ADCY9: variants seen among roughly 807,000 people sequenced by gnomAD.
ADCY9 encodes adenylate cyclase type 9.
In ADCY9, 50 loss-of-function variants were observed where a neutral mutation model predicts 101.5. That is an observed-to-expected ratio of 0.49 (90% CI 0.39 to 0.62). ADCY9 has a LOEUF of 0.62. Ranked by LOEUF, ADCY9 falls within the 20% of genes least tolerant of loss-of-function variation. The probability of loss-of-function intolerance (pLI) is 0.00; values close to 1 mark genes in which losing one functional copy is unlikely to be tolerated. For synonymous variants in ADCY9, 905 were observed against 769.3 expected (o/e 1.18, Z -2.92); for missense variants, 1,662 against 1,800.4 (o/e 0.92, Z 1.39).
intron 10 of ADCY9, among the ~76,000 whole-genome samples, chr16:3,971,205 G>A (rs898547208): frequency 2.0e-5 from 3 of 152,012 alleles, no homozygotes; most frequent in Admixed American, 6.6e-5. Context: ...CATGTTACAA[G>A]TGTTGTCACC....
intron 2 of ADCY9, among the ~76,000 whole-genome samples, chr16:4,044,686 C>T (rs1295601134): frequency 6.6e-6 from 1 of 152,192 alleles, no homozygotes. Context: ...GAAGGCTGAT[C>T]TATTTTCAGA....
intron 7 of ADCY9, among the ~76,000 whole-genome samples, chr16:3,981,004 G>T (rs1455940362): frequency 2.0e-5 from 3 of 152,230 alleles, no homozygotes; most frequent in Non-Finnish European, 2.9e-5. Context: ...TCCTGTACAG[G>T]AAAGGGATGG....
intron 2 of ADCY9, among the ~76,000 whole-genome samples, chr16:4,036,577 C>A (rs535357826): frequency 1.3e-5 from 2 of 151,228 alleles, no homozygotes; most frequent in East Asian, 3.9e-4. Flanking sequence ...ATTCTCCTGC[C>A]TCAGCCTCCA....
At chr16:3,968,298 A>G (rs1348390581) in intron 10 of ADCY9, among the ~76,000 whole-genome samples, 1 of 151,662 alleles carries the variant, frequency 6.6e-6, no homozygotes, top group African/African-American at 2.4e-5. Flanking sequence ...ACACCCAGCT[A>G]ATTTTGTATT....
chr16:4,060,360 C>T (rs941351065), intron 2 of ADCY9, among the ~76,000 whole-genome samples: 1 of 152,170 alleles, frequency 6.6e-6, no homozygotes, highest in African/African-American at 2.4e-5. Flanking sequence ...CCTGGTTATC[C>T]ACTCATCCTT....
intron 4 of ADCY9, among the ~76,000 whole-genome samples, chr16:3,993,186 C>T (rs146543704): frequency 6.6e-6 from 1 of 152,320 alleles, no homozygotes; most frequent in Admixed American, 6.5e-5. Flanking sequence ...GGAATCCCGC[C>T]CAGCTCAGCC....
At position 3,990,460 on chromosome 16, in the gene ADCY9, T is replaced by A. The variant is rs1294941704; in HGVS notation, c.2208-1364A>T. 9.6e-5 allele frequency among the ~76,000 whole-genome samples: 6 copies of A among 62,180 alleles called. 1 individual carries two copies. The South Asian group carries it at 2.5e-3, about 26-fold the overall frequency. The allele number at this position is 62,180 out of a possible 152,430, so 40.8% of individuals were successfully genotyped here. ...CAGCCTGGGTGACACAGCAAGACTATGTCTCAAAAAAAAAAAAAAAGAGTA... is the reference window on the plus strand; with the variant it reads ...CAGCCTGGGTGACACAGCAAGACTAAGTCTCAAAAAAAAAAAAAAAGAGTA... On this transcript the variant is annotated intron_variant, in intron 5 of 10. Coordinates refer to ENST00000294016, the MANE Select transcript of ADCY9 (RefSeq NM_001116.4).
At chr16:4,079,932 T>C (rs1184285440) in intron 2 of ADCY9, among the ~76,000 whole-genome samples, 1 of 152,036 alleles carries the variant, frequency 6.6e-6, no homozygotes, top group African/African-American at 2.4e-5. Flanking sequence ...TAATAAAAAA[T>C]TAATAAAAAT....
At chr16:3,954,605 C>T (rs898959664) in intron 5 of ADCY9, among the ~76,000 whole-genome samples, 7 of 152,152 alleles carry the variant, frequency 4.6e-5, no homozygotes, top group Admixed American at 2.6e-4. Flanking sequence ...GCGTCAGAAA[C>T]GGAACACGAG....
In ADCY9 at chr16:4,114,974, C is replaced by T. The variant is rs769541796; in HGVS notation, c.469G>A (p.Val157Met). 1 of 1,614,070 alleles carries T rather than the reference C, an allele frequency of 6.2e-7. No homozygotes were observed. The highest frequency in any genetic ancestry group is 8.5e-7 in the Non-Finnish European group (1 of 1,180,040). Residue 157 changes from valine to methionine, a missense_variant, in exon 2 of 11, where the codon GTG (valine) becomes ATG (methionine). By Grantham distance (21) the Val-to-Met change is conservative. Transcript: ENST00000294016. This position sits in a 1 kb window ranked among gnomAD's most constrained non-coding sequence, Gnocchi z 4.3. ...APALCFLLVC[V>M]GFFLFTFTKL... ...GTGAAGGTAAACAGAAAGAAGCCCACACACACCAGGAGGAAGCACAGCGCG... is the reference window on the plus strand; with the variant it reads ...GTGAAGGTAAACAGAAAGAAGCCCATACACACCAGGAGGAAGCACAGCGCG...
intron 2 of ADCY9, among the ~76,000 whole-genome samples, chr16:4,065,415 T>C (rs1449528805): frequency 2.6e-5 from 4 of 152,214 alleles, no homozygotes; most frequent in South Asian, 2.1e-4. Flanking sequence ...AATGGAATAA[T>C]ACTTACTACT....
At chr16:4,068,939 T>C (rs1359724941) in intron 2 of ADCY9, among the ~76,000 whole-genome samples, 5 of 152,058 alleles carry the variant, frequency 3.3e-5, no homozygotes, top group Admixed American at 6.6e-5. Context: ...TTCCACCTAA[T>C]AGATGTTCAA....
At chr16:4,026,084 G>A (rs1166707807) in intron 2 of ADCY9, among the ~76,000 whole-genome samples, 3 of 152,180 alleles carry the variant, frequency 2.0e-5, no homozygotes, top group African/African-American at 7.2e-5. Context: ...ATGGATGGAT[G>A]AGCAGATACA....
rs1162803356 is a variant in ADCY9 at position 3,966,623 on chromosome 16, C to T, written c.3214G>A (p.Glu1072Lys). ...ASIVNFSEFYEENYEGGKECY... is the reference protein window; with the variant it reads ...ASIVNFSEFYKENYEGGKECY... ...TCCTTGCCGCCCTCGTAGTTCTCCTCGTAGAACTCGCTGAAGTTGACGATG... is the reference window on the plus strand; with the variant it reads ...TCCTTGCCGCCCTCGTAGTTCTCCTTGTAGAACTCGCTGAAGTTGACGATG... The change falls in exon 11 of 11, where the codon GAG (glutamate) becomes AAG (lysine). Residue 1072 changes from glutamate to lysine, a missense_variant. By Grantham distance (56) the Glu-to-Lys change is moderately conservative (BLOSUM62 1). This residue lies in a region of ADCY9 where 220 missense variants were observed against 312.9 expected (regional missense o/e 0.70). Coordinates refer to ENST00000294016, the MANE Select transcript of ADCY9 (RefSeq NM_001116.4). 3.7e-6 allele frequency: 6 copies of T among 1,614,052 alleles called. No homozygotes were observed. The highest frequency in any genetic ancestry group is 1.1e-5 in the South Asian group (1 of 91,088).
intron 2 of ADCY9, among the ~76,000 whole-genome samples, chr16:4,095,261 A>G (rs943765357): frequency 3.0e-4 from 45 of 152,176 alleles, no homozygotes; most frequent in African/African-American, 1.0e-3. Flanking sequence ...TCAGCCTCCC[A>G]AAGTGCTGCG....
chr16:4,051,455 C>T (rs2056701109), intron 2 of ADCY9, among the ~76,000 whole-genome samples: 1 of 150,442 alleles, frequency 6.6e-6, no homozygotes. Context: ...ACCCGGGAGG[C>T]GGAGCTTGCA....
intron 2 of ADCY9, among the ~76,000 whole-genome samples, chr16:4,101,456 A>G (rs1221167339): frequency 6.6e-6 from 1 of 151,882 alleles, no homozygotes; most frequent in African/African-American, 2.4e-5. Context: ...ATTATTTATT[A>G]TTTTTAGAGA....
At chr16:4,099,379 C>T (rs2057028293) in intron 2 of ADCY9, among the ~76,000 whole-genome samples, 1 of 152,184 alleles carries the variant, frequency 6.6e-6, no homozygotes, top group South Asian at 2.1e-4. Context: ...CGAAGATGCA[C>T]AAACCGTTTC....
At chr16:4,025,375 C>CAA (rs367980802) in intron 2 of ADCY9, among the ~76,000 whole-genome samples, 99,972 of 129,878 alleles carry the variant, frequency 0.77, 38,632 homozygotes, top group Middle Eastern at 0.83. Flanking sequence ...ACTCTGTCTC[C>CAA]AAAAAAAAAA....
Sources: allele counts gnomAD v4.1 joint callset (sites outside exome capture counted in the v4.1 genomes callset), GRCh38; gene constraint gnomAD v4.1.1; regional missense constraint gnomAD v4.1.1; non-coding constraint Gnocchi (gnomAD v3.1); transcripts MANE v1.5; gene names NCBI Gene and HGNC (gene_info 2026-07-23, HGNC 2026-07-21).